The following ITM2B variants were observed in gnomAD, a reference collection of about 807,000 sequenced individuals.
ITM2B encodes the protein integral membrane protein 2B.
In ITM2B, 11 loss-of-function variants were observed where a neutral mutation model predicts 27.8. The observed-to-expected ratio is 0.40, with a 90% CI of 0.25 to 0.66. The LOEUF is 0.66. Ranked by LOEUF, ITM2B falls within the 30% of genes least tolerant of loss-of-function variation. The pLI, the probability that ITM2B is intolerant of heterozygous loss-of-function variation, is 0.43. For missense variants in ITM2B, 296 were observed against 328.9 expected (o/e 0.90, Z 0.77); for synonymous variants, 114 against 114.3 (o/e 1.00, Z 0.02).
At chr13:48,251,249 C>T (rs1009371125) in intron 1 of ITM2B, among the ~76,000 whole-genome samples, 1 of 152,052 alleles carries the variant, frequency 6.6e-6, no homozygotes, top group East Asian at 1.9e-4. Context: ...AAAATCATTG[C>T]CATATATAAA....
chr13:48,245,601 T>C (rs148761468), intron 1 of ITM2B, among the ~76,000 whole-genome samples: 237 of 152,106 alleles, frequency 1.6e-3, no homozygotes, highest in African/African-American at 5.4e-3. Context: ...GCTAGTTTTA[T>C]GTGATGCTAA....
At chr13:48,259,198 G>C (rs1951807897) in intron 5 of ITM2B, among the ~76,000 whole-genome samples, 1 of 152,200 alleles carries the variant, frequency 6.6e-6, no homozygotes, top group Non-Finnish European at 1.5e-5. Context: ...TTTCCATCTA[G>C]TTAGTCACCC....
At chr13:48,261,112 T>TA (rs771516074) in intron 5 of ITM2B, 27 bp from the exon 6 acceptor site, 1 of 1,525,946 alleles carries the variant, frequency 6.6e-7, no homozygotes, top group African/African-American at 1.4e-5. Context: ...ATCAAAATTT[T>TA]AAAAAACTTT....
At chr13:48,238,168 AACACTAAGGACATC>A (rs1413432091) in intron 1 of ITM2B, among the ~76,000 whole-genome samples, 1 of 152,214 alleles carries the variant, frequency 6.6e-6, no homozygotes, top group African/African-American at 2.4e-5. Context: ...TGGAAATTAT[AACACTAAGGACATC>A]ATTTTTGAAA....
intron 3 of ITM2B, among the ~76,000 whole-genome samples, chr13:48,257,819 A>T (rs1951798702): frequency 6.6e-6 from 1 of 152,200 alleles, no homozygotes. Context: ...AGGGCATTTG[A>T]GCTTATAAGT....
At chr13:48,248,765 G>GC (rs1951737220) in intron 1 of ITM2B, among the ~76,000 whole-genome samples, 1 of 152,158 alleles carries the variant, frequency 6.6e-6, no homozygotes, top group Admixed American at 6.5e-5. Context: ...TTTCTGTTGG[G>GC]CCACATTCAA....
rs2137997888 is a variant in ITM2B, at chr13:48,261,223, G to T, written c.800G>T (p.Ter267LeuextTer11). 1 of 1,598,586 alleles carries T rather than the reference G, an allele frequency of 6.3e-7. No homozygotes were observed. Among genetic ancestry groups the T allele is most frequent in the South Asian group, 1.1e-5 (1 of 90,588 alleles). ...GCCGTGGAAACTTTAATTTGTTCTT[G>T]AACAGTCAAGAAAAACATTATTGAG... ...KFAVETLICS[*>L] Residue 267 changes from the stop codon to leucine (L), a stop_lost, in exon 6 of 6, where the codon TGA (stop) becomes TTA (leucine). Transcript: ENST00000647800.
chr13:48,256,271 C>A lies in ITM2B; in HGVS notation c.341C>A (p.Thr114Lys). The change falls in exon 3 of 6, where the codon ACA becomes AAA. Residue 114 changes from threonine to lysine, a missense_variant. Transcript: ENST00000647800. Reference sequence around the variant, plus strand: ...GATGCCCCAGCTGCTCTCTACCAGACAATTGAAGAAAATATTAAAATCTTT... The same window carrying A: ...GATGCCCCAGCTGCTCTCTACCAGAAAATTGAAGAAAATATTAAAATCTTT... ...SADAPAALYQTIEENIKIFEE... is the reference protein window; with the variant it reads ...SADAPAALYQKIEENIKIFEE... 1 of 1,613,412 alleles carries A rather than the reference C, an allele frequency of 6.2e-7. No individual in the cohort carries two copies. Among genetic ancestry groups the A allele is most frequent in the Non-Finnish European group, 8.5e-7 (1 of 1,179,442 alleles).
rs1385632184 is a variant in ITM2B at position 48,262,746 on chromosome 13, CA to C, written c.*1524del. The C allele has an allele frequency of 1.3e-5, 2 of 152,106 alleles. No homozygotes were observed. Among genetic ancestry groups the C allele is most frequent in the Non-Finnish European group, 2.9e-5 (2 of 68,024 alleles). 9.4% of individuals were successfully genotyped at this position (152,106 alleles called of 1,614,324 possible). A position where few individuals can be genotyped will look rare whatever the true frequency, so the allele number is the denominator to read the frequency against. ...TCTAGGAAAAGAGAGGGACAGCAAACAACTCATTACAATACATTGGGATCAG... is the reference window on the plus strand; with the variant it reads ...TCTAGGAAAAGAGAGGGACAGCAAACACTCATTACAATACATTGGGATCAG... On this transcript the variant is annotated 3_prime_UTR_variant, in exon 6 of 6. Transcript: ENST00000647800.
Position 48,267,235 on chromosome 13 carries a change from T to C in ITM2B, c.*6011T>C, listed in dbSNP as rs894178899. 5.9e-5 allele frequency: 9 copies of C among 152,134 alleles called. No homozygotes were observed. The highest frequency in any genetic ancestry group is 2.2e-4 in the African/African-American group (9 of 41,404). The allele number at this position is 152,134 out of a possible 1,614,324, so 9.4% of individuals were successfully genotyped here. A position where few individuals can be genotyped will look rare whatever the true frequency, so the allele number is the denominator to read the frequency against. On this transcript the variant is annotated 3_prime_UTR_variant, in exon 6 of 6. Coordinates refer to ENST00000647800, the MANE Select transcript of ITM2B (RefSeq NM_021999.5). ...CCTTCAGACTAAGATGCAGGAATAG[T>C]TTTCCATTTGGGTATGAATACGGCA... is the stretch of plus-strand genomic sequence containing the variant.
At chr13:48,255,169 C>G (rs1951778156) in intron 2 of ITM2B, among the ~76,000 whole-genome samples, 1 of 152,114 alleles carries the variant, frequency 6.6e-6, no homozygotes, top group East Asian at 1.9e-4. Flanking sequence ...ACACACCATG[C>G]CTGGCCCTGT....
intron 1 of ITM2B, among the ~76,000 whole-genome samples, chr13:48,246,919 C>T (rs1240692037): frequency 6.6e-6 from 1 of 152,214 alleles, no homozygotes; most frequent in Non-Finnish European, 1.5e-5. Context: ...ACCTCCGCCT[C>T]CTGGGTTCAA....
In ITM2B at chr13:48,267,488, C is replaced by T. The variant is rs965834661; in HGVS notation, c.*6264C>T. 3 of 152,076 alleles carry T rather than the reference C, an allele frequency of 2.0e-5. No homozygotes were observed. The highest frequency in any genetic ancestry group is 7.3e-5 in the African/African-American group (3 of 41,340). The allele number at this position is 152,076 out of a possible 1,614,324, so 9.4% of individuals were successfully genotyped here. A position where few individuals can be genotyped will look rare whatever the true frequency, so the allele number is the denominator to read the frequency against. The stretch of plus-strand genomic sequence containing the variant: ...GAGTCCCTAGATTCTAGCCCTGCAG[C>T]TAGCTGACACTCTAAAAAATTATGA... On this transcript the variant is annotated 3_prime_UTR_variant, in exon 6 of 6. Coordinates refer to ENST00000647800, the MANE Select transcript of ITM2B (RefSeq NM_021999.5).
At chr13:48,233,982 A>G (rs1951652587) in intron 1 of ITM2B, among the ~76,000 whole-genome samples, 1 of 152,154 alleles carries the variant, frequency 6.6e-6, no homozygotes, top group Non-Finnish European at 1.5e-5. Flanking sequence ...TTAATTTTAA[A>G]AGCGTTTCTT....
intron 1 of ITM2B, among the ~76,000 whole-genome samples, chr13:48,245,833 G>A (rs1162544105): frequency 6.6e-6 from 1 of 150,682 alleles, no homozygotes; most frequent in East Asian, 1.9e-4. Context: ...CTGGAGTGCA[G>A]TGGCATGCAG....
intron 2 of ITM2B, 126 bp downstream of exon 2, chr13:48,254,062 G>A: frequency 1.1e-6 from 1 of 882,392 alleles, no homozygotes; most frequent in Non-Finnish European, 1.8e-6. Flanking sequence ...CAGCCAGAGT[G>A]GTAGTTCTAT....
intron 2 of ITM2B, among the ~76,000 whole-genome samples, chr13:48,255,867 G>C (rs1951783992): frequency 6.6e-6 from 1 of 152,120 alleles, no homozygotes; most frequent in African/African-American, 2.4e-5. Context: ...CTTACAGGTA[G>C]AGTAGGTCTG....
At position 48,247,825 on chromosome 13, in the gene ITM2B, A is replaced by G. The variant is rs192232800; in HGVS notation, c.118-5983A>G. ...GCTCCTGAAAGCCAGGTCTTTCTATATCTACTGTTGCAAGGTGGTTATAGG... is the reference window on the plus strand; with the variant it reads ...GCTCCTGAAAGCCAGGTCTTTCTATGTCTACTGTTGCAAGGTGGTTATAGG... On this transcript the variant is annotated intron_variant, in intron 1 of 5. Transcript: ENST00000647800. Among the ~76,000 whole-genome samples, 29 of 152,298 alleles carry G rather than the reference A, an allele frequency of 1.9e-4. No individual in the cohort carries two copies. In the East Asian group the frequency reaches 5.6e-3, roughly 29 times the overall value.
chr13:48,233,215 C>T lies in ITM2B; in HGVS notation c.-146C>T, dbSNP rs963233596. 7.7e-6 allele frequency: 4 copies of T among 519,146 alleles called. No individual in the cohort carries two copies. The highest frequency in any genetic ancestry group is 1.0e-5 in the Non-Finnish European group (3 of 299,550). The allele number at this position is 519,146 out of a possible 1,614,324, so 32.2% of individuals were successfully genotyped here. On this transcript the variant is annotated 5_prime_UTR_variant, in exon 1 of 6. Coordinates refer to ENST00000647800, the MANE Select transcript of ITM2B (RefSeq NM_021999.5). ...GCGAGATCCCTACCGCAGTAGCCGC[C>T]TCTGCCGCCGCGGAGCTTCCCGAAC...
Sources: allele counts gnomAD v4.1 joint callset (sites outside exome capture counted in the v4.1 genomes callset), GRCh38; gene constraint gnomAD v4.1.1; transcripts MANE v1.5; gene names NCBI Gene and HGNC (gene_info 2026-07-23, HGNC 2026-07-21).